The following GPATCH8 variants were observed in gnomAD, a reference collection of about 807,000 sequenced individuals.
The protein encoded by GPATCH8 is G patch domain-containing protein 8.
Under a neutral mutation model 118.3 loss-of-function variants are expected in GPATCH8, and 18 were observed. The ratio of observed to expected loss-of-function variants is 0.15; its 90% confidence interval spans 0.11 to 0.23. GPATCH8 has a LOEUF of 0.23. Ranked by LOEUF, GPATCH8 falls within the 10% of genes least tolerant of loss-of-function variation. GPATCH8 has a pLI of 1.00. For missense variants in GPATCH8, 1,631 were observed against 1,873.8 expected, an observed-to-expected ratio of 0.87 and a Z score of 2.39; for synonymous variants, 659 against 684.7, an observed-to-expected ratio of 0.96 and a Z score of 0.59.
intron 2 of GPATCH8, chr17:44,467,110 C>T: frequency 7.9e-7 from 1 of 1,261,796 alleles, no homozygotes; most frequent in South Asian, 1.2e-5. Context: ...GCTTTAAAAA[C>T]TGGGCTGTCA....
chr17:44,440,119 T>G lies in GPATCH8; in HGVS notation c.194-3574A>C, dbSNP rs771279278. 1.2e-3 allele frequency among the ~76,000 whole-genome samples: 186 copies of G among 152,234 alleles called. 1 individual carries two copies. Among genetic ancestry groups the G allele is most frequent in the Non-Finnish European group, 6.5e-4 (44 of 68,020 alleles). ...AAAAATAAAATCCAGGTTCCCTACT[T>G]CTTGGTTTCTTTTAAAATACAGCAA... On this transcript the variant is annotated intron_variant, in intron 3 of 7. Transcript: ENST00000591680.
At chr17:44,458,649 A>G (rs1485671711) in intron 3 of GPATCH8, among the ~76,000 whole-genome samples, 2 of 152,000 alleles carry the variant, frequency 1.3e-5, no homozygotes, top group Non-Finnish European at 2.9e-5. Flanking sequence ...AGCCTTCCAA[A>G]TAGCTAGGAA....
At chr17:44,443,623 G>A (rs963710917) in intron 3 of GPATCH8, among the ~76,000 whole-genome samples, 1 of 151,988 alleles carries the variant, frequency 6.6e-6, no homozygotes, top group African/African-American at 2.4e-5. Context: ...TTCTTGCCAT[G>A]GCCTTTTTAG....
intron 1 of GPATCH8, among the ~76,000 whole-genome samples, chr17:44,498,823 C>A (rs1465419402): frequency 6.6e-6 from 1 of 152,182 alleles, no homozygotes; most frequent in Non-Finnish European, 1.5e-5. Flanking sequence ...TCTGGCATAC[C>A]TGAATTACAA....
intron 6 of GPATCH8, among the ~76,000 whole-genome samples, chr17:44,407,857 A>C (rs138923678): frequency 0.044 from 6,766 of 152,058 alleles, 219 homozygotes; most frequent in Middle Eastern, 0.078. Flanking sequence ...AGGTTTCACC[A>C]TGTTGGCCAG....
chr17:44,398,750 A>C lies in GPATCH8; in HGVS notation c.3327T>G (p.Ser1109Arg), dbSNP rs1290800895. ...TATTAGGGGTGGCCTGCACCTCCTC[A>C]CTCACACTAGGTTTCCTCTCCACTT... ...SRKVERKPSV[S>R]EEVQATPNKA... The change falls in exon 8 of 8, where the codon AGT becomes AGG. Residue 1109 changes from serine to arginine, a missense_variant. Coordinates refer to ENST00000591680, the MANE Select transcript of GPATCH8 (RefSeq NM_001002909.4). 1.9e-6 allele frequency: 3 copies of C among 1,613,292 alleles called. No homozygotes were observed. The East Asian group carries it at 6.7e-5, about 36-fold the overall frequency.
At chr17:44,403,511 G>A (rs992291235) in intron 7 of GPATCH8, among the ~76,000 whole-genome samples, 5 of 152,110 alleles carry the variant, frequency 3.3e-5, no homozygotes, top group African/African-American at 9.7e-5. Context: ...GAGCCACTGC[G>A]CATCTGGCTT....
chr17:44,401,535 T>C (rs1277009613), intron 7 of GPATCH8, 82 bp from the exon 8 acceptor site: 4 of 888,652 alleles, frequency 4.5e-6, no homozygotes, highest in Admixed American at 1.7e-5. Context: ...ACTAATCTCT[T>C]ATATCCTATC....
At chr17:44,481,423 A>G (rs1476186996) in intron 1 of GPATCH8, among the ~76,000 whole-genome samples, 1 of 152,240 alleles carries the variant, frequency 6.6e-6, no homozygotes, top group Non-Finnish European at 1.5e-5. Context: ...ACAAGTAGTA[A>G]CAGAGATGAA....
chr17:44,489,739 A>G (rs1969092473), intron 1 of GPATCH8, among the ~76,000 whole-genome samples: 1 of 152,224 alleles, frequency 6.6e-6, no homozygotes, highest in Non-Finnish European at 1.5e-5. Context: ...TAATAGTAGT[A>G]GTAATGATGA....
chr17:44,418,507 T>G (rs2049773211), intron 6 of GPATCH8, among the ~76,000 whole-genome samples: 1 of 149,342 alleles, frequency 6.7e-6, no homozygotes, highest in Non-Finnish European at 1.5e-5. Context: ...CAGGCTGGAG[T>G]GCAGTGGCAT....
At chr17:44,483,645 ATTTT>A (rs1274366471) in intron 1 of GPATCH8, among the ~76,000 whole-genome samples, 5 of 143,398 alleles carry the variant, frequency 3.5e-5, no homozygotes. Context: ...AATTTACTTT[ATTTT>A]TTATTTTTTT....
chr17:44,484,425 A>C (rs1358163141), intron 1 of GPATCH8, among the ~76,000 whole-genome samples: 1 of 152,172 alleles, frequency 6.6e-6, no homozygotes, highest in Non-Finnish European at 1.5e-5. Context: ...AGACCACCTA[A>C]TTTTCTTGCC....
intron 3 of GPATCH8, among the ~76,000 whole-genome samples, chr17:44,448,147 A>C (rs2050956727): frequency 6.6e-6 from 1 of 152,226 alleles, no homozygotes; most frequent in South Asian, 2.1e-4. Context: ...ATACCTTAAA[A>C]TGAAAGATAC....
chr17:44,494,519 G>A (rs577172244), intron 1 of GPATCH8, among the ~76,000 whole-genome samples: 20 of 152,216 alleles, frequency 1.3e-4, no homozygotes, highest in Non-Finnish European at 2.4e-4. Context: ...TTGAACCCGC[G>A]AGGCAGAGGT....
At chr17:44,488,995 G>A (rs868534203) in intron 1 of GPATCH8, among the ~76,000 whole-genome samples, 144 of 151,688 alleles carry the variant, frequency 9.5e-4, no homozygotes, top group Middle Eastern at 3.4e-3. Flanking sequence ...GGAGGCAGAG[G>A]TTGCAGTGAG....
intron 5 of GPATCH8, among the ~76,000 whole-genome samples, chr17:44,424,835 T>C (rs532714801): frequency 6.6e-6 from 1 of 152,304 alleles, no homozygotes; most frequent in Non-Finnish European, 1.5e-5. Context: ...ATTAATAGTC[T>C]AGTTTTCAGA....
intron 2 of GPATCH8, among the ~76,000 whole-genome samples, chr17:44,469,127 A>G (rs983621345): frequency 6.6e-6 from 1 of 152,154 alleles, no homozygotes; most frequent in Non-Finnish European, 1.5e-5. Context: ...TTAAAATGCT[A>G]ATTTTTATCA....
intron 6 of GPATCH8, among the ~76,000 whole-genome samples, chr17:44,412,111 C>A (rs2049460307): frequency 6.6e-6 from 1 of 152,092 alleles, no homozygotes. Context: ...TTAGTAGAGA[C>A]AGGGTTTCTC....
Sources: allele counts gnomAD v4.1 joint callset (sites outside exome capture counted in the v4.1 genomes callset), GRCh38; gene constraint gnomAD v4.1.1; transcripts MANE v1.5; gene names NCBI Gene and HGNC (gene_info 2026-07-23, HGNC 2026-07-21).